KCNQ1: variants seen among roughly 807,000 people sequenced by gnomAD.
KCNQ1 encodes the protein potassium voltage-gated channel subfamily KQT member 1.
In KCNQ1, 49 loss-of-function variants were observed where a neutral mutation model predicts 72.4. The ratio of observed to expected loss-of-function variants is 0.68; its 90% CI spans 0.54 to 0.86. The LOEUF (loss-of-function observed/expected upper bound fraction) is 0.86. Ranked by LOEUF, KCNQ1 falls within the 40% of genes least tolerant of loss-of-function variation. The pLI is 0.00. For missense variants in KCNQ1, 790 were observed against 945.1 expected (o/e 0.84, Z 2.15); for synonymous variants, 450 against 412.6 (o/e 1.09, Z -1.10).
chr11:2,825,562 TGTC>T (rs544223823), intron 15 of KCNQ1, among the ~76,000 whole-genome samples: 119 of 152,374 alleles, frequency 7.8e-4, no homozygotes, highest in Non-Finnish European at 1.3e-3. Context: ...TTGGGTTAGA[TGTC>T]GTCGTCTTCA....
At chr11:2,738,450 C>T (rs997547796) in intron 11 of KCNQ1, among the ~76,000 whole-genome samples, 9 of 152,174 alleles carry the variant, frequency 5.9e-5, no homozygotes, top group African/African-American at 1.7e-4. Context: ...CTGGCACTAG[C>T]GTGTGTGACA....
chr11:2,672,794 C>T (rs1850210293), intron 11 of KCNQ1: 1 of 398,812 alleles, frequency 2.5e-6, no homozygotes, highest in Non-Finnish European at 4.4e-6. Context: ...TCCAACCAGT[C>T]CCCTTCAGAA....
chr11:2,632,630 A>C (rs1021464769), intron 10 of KCNQ1: 1 of 398,398 alleles, frequency 2.5e-6, no homozygotes, highest in Non-Finnish European at 4.4e-6. Flanking sequence ...GGTAATTAGC[A>C]TATTCATCAA....
rs1388643127 is a variant in KCNQ1 at position 2,547,344 on chromosome 11, C to G, written c.477+19326C>G. 3.3e-5 allele frequency among the ~76,000 whole-genome samples: 5 copies of G among 152,166 alleles called. No individual in the cohort carries two copies. The highest frequency in any genetic ancestry group is 1.9e-4 in the East Asian group (1 of 5,198). ...TCCCAGGGTTTAAGTGATTTTCGTGCCTCAGCCTCCCAAGTAGCTGGGATT... is the reference window on the plus strand; with the variant it reads ...TCCCAGGGTTTAAGTGATTTTCGTGGCTCAGCCTCCCAAGTAGCTGGGATT... On this transcript the variant is annotated intron_variant, in intron 2 of 15. Transcript: ENST00000155840. This position sits in a 1 kb window ranked among gnomAD's most constrained non-coding sequence, Gnocchi z 4.2.
At position 2,690,127 on chromosome 11, in the gene KCNQ1, G is replaced by A. The variant is rs1305150541; in HGVS notation, c.1514+28046G>A. ...TCCGGGGTTAGAACTGGGGGAGCAG[G>A]GACAAAAAGCGGGCAGCCCTCCCCA... On this transcript the variant is annotated intron_variant, in intron 11 of 15. Coordinates refer to ENST00000155840, the MANE Select transcript of KCNQ1 (RefSeq NM_000218.3). The surrounding 1 kb of genome is among the most constrained non-coding windows in gnomAD (Gnocchi z 5.1). 2.5e-6 allele frequency: 1 copy of A among 398,824 alleles called. No individual in the cohort carries two copies. Among genetic ancestry groups the A allele is most frequent in the South Asian group, 1.3e-4 (1 of 7,862 alleles). 24.7% of individuals were successfully genotyped at this position (398,824 alleles called of 1,614,324 possible).
Position 2,625,974 on chromosome 11 carries a change from T to C in KCNQ1, c.1394-35987T>C, listed in dbSNP as rs187530168. On this transcript the variant is annotated intron_variant, in intron 10 of 15. Coordinates refer to ENST00000155840, the MANE Select transcript of KCNQ1 (RefSeq NM_000218.3). ...ATCAGGTATGTGATTTGCAAATTTT[T>C]CTCCCATTCTGTAGGTTGTCTTATT... 130 of 398,656 alleles carry C rather than the reference T, an allele frequency of 3.3e-4. No individual in the cohort carries two copies. Among genetic ancestry groups the C allele is most frequent in the Admixed American group, 5.7e-4 (13 of 22,736 alleles). The allele number at this position is 398,656 out of a possible 1,614,324, so 24.7% of individuals were successfully genotyped here.
Position 2,471,862 on chromosome 11 carries a change from T to G in KCNQ1, c.386+26378T>G, listed in dbSNP as rs1289810244. Among the ~76,000 whole-genome samples, 1 of 147,138 alleles carries G rather than the reference T, an allele frequency of 6.8e-6. No individual in the cohort carries two copies. The highest frequency in any genetic ancestry group is 6.7e-5 in the Admixed American group (1 of 14,896). On this transcript the variant is annotated intron_variant, in intron 1 of 15. Coordinates refer to ENST00000155840, the MANE Select transcript of KCNQ1 (RefSeq NM_000218.3). The surrounding 1 kb of genome is among the most constrained non-coding windows in gnomAD (Gnocchi z 4.8). ...CCTATGTGTGTATAGGTGTGTGTGT[T>G]TATGTATGGGTGTGTGTGCACATGT...
rs1589894167 is a variant in KCNQ1 at position 2,464,105 on chromosome 11, G to A, written c.386+18621G>A. On this transcript the variant is annotated intron_variant, in intron 1 of 15. Coordinates refer to ENST00000155840, the MANE Select transcript of KCNQ1 (RefSeq NM_000218.3). This position sits in a 1 kb window ranked among gnomAD's most constrained non-coding sequence, Gnocchi z 5.0. ...GCAGGACCCACGGGACAATTAGAAC[G>A]ACTGGGCCTGACTGGCACAGGGATG... Among the ~76,000 whole-genome samples, 2 of 152,172 alleles carry A rather than the reference G, an allele frequency of 1.3e-5. No homozygotes were observed. Among genetic ancestry groups the A allele is most frequent in the African/African-American group, 2.4e-5 (1 of 41,426 alleles).
chr11:2,669,860 C>T lies in KCNQ1; in HGVS notation c.1514+7779C>T, dbSNP rs1014359534. 7.5e-6 allele frequency: 3 copies of T among 398,514 alleles called. No homozygotes were observed. The highest frequency in any genetic ancestry group is 6.2e-5 in the African/African-American group (3 of 48,618). 24.7% of individuals were successfully genotyped at this position (398,514 alleles called of 1,614,324 possible). On this transcript the variant is annotated intron_variant, in intron 11 of 15. Transcript: ENST00000155840. This position sits in a 1 kb window ranked among gnomAD's most constrained non-coding sequence, Gnocchi z 5.6. Reference sequence around the variant, plus strand: ...CCATGGGATACAAATGGGGTCACAACATATGGCTGTCAGCTGCTGTCCTTA... The same window carrying T: ...CCATGGGATACAAATGGGGTCACAATATATGGCTGTCAGCTGCTGTCCTTA...
intron 15 of KCNQ1, among the ~76,000 whole-genome samples, chr11:2,812,532 C>G (rs1190560919): frequency 6.6e-6 from 1 of 152,232 alleles, no homozygotes; most frequent in Non-Finnish European, 1.5e-5. Flanking sequence ...GAGGCGGGAA[C>G]AGCATGTATG....
At chr11:2,846,546 G>C (rs763895533) in intron 15 of KCNQ1, among the ~76,000 whole-genome samples, 3 of 152,146 alleles carry the variant, frequency 2.0e-5, no homozygotes, top group Non-Finnish European at 4.4e-5. Context: ...AGGGCCCCCA[G>C]GTCCAACCTC....
At chr11:2,660,460 A>C (rs1849931750) in intron 10 of KCNQ1, 1 of 398,534 alleles carries the variant, frequency 2.5e-6, no homozygotes, top group South Asian at 1.3e-4. Context: ...AACATAATTC[A>C]GGTGAAAAAA....
At chr11:2,714,952 C>T (rs1256005258) in intron 11 of KCNQ1, among the ~76,000 whole-genome samples, 2 of 150,542 alleles carry the variant, frequency 1.3e-5, no homozygotes, top group Non-Finnish European at 3.0e-5. Flanking sequence ...GGCACAAAGC[C>T]AGGGGGGAGC....
intron 2 of KCNQ1, among the ~76,000 whole-genome samples, chr11:2,557,942 TCTAAC>T (rs1210548009): frequency 6.6e-6 from 1 of 152,180 alleles, no homozygotes; most frequent in Non-Finnish European, 1.5e-5. Flanking sequence ...TACAAACAAA[TCTAAC>T]CTACCTCAAA....
Position 2,531,144 on chromosome 11 carries a change from C to T in KCNQ1, c.477+3126C>T, listed in dbSNP as rs558164161. Among the ~76,000 whole-genome samples the T allele has an allele frequency of 3.3e-5, 5 of 152,302 alleles. No homozygotes were observed. The South Asian group carries it at 1.0e-3, about 32-fold the overall frequency. On this transcript the variant is annotated intron_variant, in intron 2 of 15. Transcript: ENST00000155840. ...GGCGAAGCCTGGAGAAGCCTGCACCCAGGCTGGACCTGCAGGGACCTTCAG... is the reference window on the plus strand; with the variant it reads ...GGCGAAGCCTGGAGAAGCCTGCACCTAGGCTGGACCTGCAGGGACCTTCAG...
In KCNQ1 at chr11:2,549,417, G is replaced by A. The variant is rs1847946028; in HGVS notation, c.478-21211G>A. 1.3e-5 allele frequency among the ~76,000 whole-genome samples: 2 copies of A among 152,148 alleles called. No individual in the cohort carries two copies. Among genetic ancestry groups the A allele is most frequent in the Admixed American group, 6.5e-5 (1 of 15,288 alleles). On this transcript the variant is annotated intron_variant, in intron 2 of 15. Coordinates refer to ENST00000155840, the MANE Select transcript of KCNQ1 (RefSeq NM_000218.3). The surrounding 1 kb of genome is among the most constrained non-coding windows in gnomAD (Gnocchi z 6.2). ...CACACATCTGACCTTTGCCTGCTTT[G>A]GGGGCAGTTTGAGGCCTCAGATTTT...
intron 11 of KCNQ1, chr11:2,688,623 G>T: frequency 2.5e-6 from 1 of 398,750 alleles, no homozygotes; most frequent in East Asian, 3.6e-5. Context: ...CTGTGCCTGG[G>T]TGAGCTCTGG....
chr11:2,655,325 G>A (rs1407095583), intron 10 of KCNQ1: 12 of 398,484 alleles, frequency 3.0e-5, no homozygotes, highest in Non-Finnish European at 5.3e-5. Flanking sequence ...CCTTGACAAA[G>A]CAAAGGCAGC....
At chr11:2,694,649 A>T (rs1306593609) in intron 11 of KCNQ1, 1 of 398,490 alleles carries the variant, frequency 2.5e-6, no homozygotes, top group Non-Finnish European at 4.4e-6. Context: ...AATCTGTGAC[A>T]CACCCACCAT....
Sources: gnomAD v4.1 joint callset for allele counts (sites outside exome capture counted in the v4.1 genomes callset) on GRCh38, gnomAD v4.1.1 for gene constraint, Gnocchi (gnomAD v3.1) non-coding constraint, MANE v1.5 for transcripts, NCBI Gene and HGNC (gene_info 2026-07-23, HGNC 2026-07-21) for gene names.